The following DMD variants were observed in gnomAD, a reference collection of about 807,000 sequenced individuals.
DMD encodes dystrophin, also known as mutant dystrophin.
Under a neutral mutation model 330.1 loss-of-function variants are expected in DMD, and 63 were observed. The observed-to-expected ratio is 0.19, with a 90% confidence interval of 0.16 to 0.24. The LOEUF is 0.24. Ranked by LOEUF, DMD falls within the 10% of genes least tolerant of loss-of-function variation. DMD has a pLI of 1.00. For missense variants in DMD, 3,344 were observed against 2,684.1 expected, an observed-to-expected ratio of 1.25 and a Z score of -5.43; for synonymous variants, 1,223 against 959.8, an observed-to-expected ratio of 1.27 and a Z score of -5.07.
At chrX:32,774,964 C>A (rs1416621122) in intron 7 of DMD, among the ~76,000 whole-genome samples, 1 of 112,465 alleles carries the variant, frequency 8.9e-6, no homozygotes, top group Non-Finnish European at 1.9e-5. Flanking sequence ...AAGCTAGTTA[C>A]TTCCAAGGTA....
At chrX:31,706,557 T>C (rs974994811) in intron 52 of DMD, among the ~76,000 whole-genome samples, 10 of 63,207 alleles carry the variant, frequency 1.6e-4, no homozygotes, top group African/African-American at 8.1e-4. Flanking sequence ...TTTATCAACA[T>C]TTTTTTTTGG....
intron 43 of DMD, among the ~76,000 whole-genome samples, chrX:32,217,270 A>C (rs2147868143): frequency 9.0e-6 from 1 of 111,703 alleles, no homozygotes; most frequent in Non-Finnish European, 1.9e-5. Context: ...TACTCAATAT[A>C]AAAGCTGATT....
At chrX:32,514,522 A>T (rs866139478) in intron 18 of DMD, among the ~76,000 whole-genome samples, 21 of 111,977 alleles carry the variant, frequency 1.9e-4, no homozygotes, top group East Asian at 1.4e-3. Flanking sequence ...CGGGCGGATC[A>T]CGAGGTCAGG....
At chrX:31,917,037 G>T (rs1187194579) in intron 47 of DMD, among the ~76,000 whole-genome samples, 1 of 111,507 alleles carries the variant, frequency 9.0e-6, no homozygotes, top group Non-Finnish European at 1.9e-5. Flanking sequence ...GAATGGGATT[G>T]GTGGTCAACT....
chrX:32,814,655 A>G (rs998916031), intron 6 of DMD, among the ~76,000 whole-genome samples: 27 of 112,093 alleles, frequency 2.4e-4, no homozygotes, highest in African/African-American at 8.1e-4. Flanking sequence ...ATATGACAGG[A>G]GAGAGTATAT....
chrX:32,349,514 C>T (rs752213584), intron 37 of DMD, among the ~76,000 whole-genome samples: 20 of 111,332 alleles, frequency 1.8e-4, no homozygotes, highest in African/African-American at 5.5e-4. Context: ...TTTGCCAAGA[C>T]GATTACATTC....
intron 7 of DMD, among the ~76,000 whole-genome samples, chrX:32,737,653 T>C (rs2068695743): frequency 8.9e-6 from 1 of 112,014 alleles, no homozygotes; most frequent in African/African-American, 3.2e-5. Flanking sequence ...CACACACCAT[T>C]TTTCTTTTTG....
chrX:32,352,711 G>A (rs2097785964), intron 37 of DMD, among the ~76,000 whole-genome samples: 2 of 110,486 alleles, frequency 1.8e-5, no homozygotes, highest in African/African-American at 3.3e-5. Flanking sequence ...TTATTCTTAC[G>A]TCGGTCTTAT....
At chrX:32,983,528 TAC>T (rs561986393) in intron 2 of DMD, among the ~76,000 whole-genome samples, 5,569 of 73,357 alleles carry the variant, frequency 0.076, 176 homozygotes, top group Middle Eastern at 0.15. Context: ...CAGAACTAAA[TAC>T]ACACACACAC....
chrX:33,096,501 C>CTTTT lies in DMD; in HGVS notation c.32-76305_32-76302dup, dbSNP rs752228692. On this transcript the variant is annotated intron_variant, in intron 1 of 78. Transcript: ENST00000357033. ...AAGCCATGCTATATTTTGGAGACGA[C>CTTTT]TTTTTTTTTTTTTATTTTTTTGAGA... Among the ~76,000 whole-genome samples the CTTTT allele has an allele frequency of 7.5e-5, 7 of 93,725 alleles. 1 individual carries two copies. Among genetic ancestry groups the CTTTT allele is most frequent in the Non-Finnish European group, 1.5e-4 (7 of 46,183 alleles). The allele number at this position is 93,725 out of a possible 115,157, so 81.4% of individuals were successfully genotyped here.
chrX:31,121,913 G>GACTT lies in DMD; in HGVS notation c.*2_*5dup. On this transcript the variant is annotated 3_prime_UTR_variant, in exon 79 of 79. Transcript: ENST00000357033. ...CCCAAATCATCTGCCATGTGGAAAA[G>GACTT]ACTTCCTACATTGTGTCCTGGAAAA... 8.3e-7 allele frequency: 1 copy of GACTT among 1,203,596 alleles called. No individual in the cohort carries two copies. The highest frequency in any genetic ancestry group is 3.0e-5 in the East Asian group (1 of 33,805).
intron 18 of DMD, among the ~76,000 whole-genome samples, chrX:32,511,261 C>T (rs1348890462): frequency 2.7e-5 from 3 of 110,521 alleles, no homozygotes; most frequent in Admixed American, 9.6e-5. Flanking sequence ...CAGGGGCTCA[C>T]GCCTGTAATC....
chrX:32,717,250 G>T (rs1449570356), intron 7 of DMD, among the ~76,000 whole-genome samples: 1 of 111,399 alleles, frequency 9.0e-6, no homozygotes, highest in Non-Finnish European at 1.9e-5. Flanking sequence ...GGTCTAGGAA[G>T]GAAAAATGAT....
At chrX:31,581,516 A>G (rs1328206301) in intron 55 of DMD, among the ~76,000 whole-genome samples, 1 of 111,615 alleles carries the variant, frequency 9.0e-6, no homozygotes, top group Non-Finnish European at 1.9e-5. Flanking sequence ...ACAAACCTAG[A>G]TTCTTAATTA....
intron 67 of DMD, among the ~76,000 whole-genome samples, chrX:31,192,520 A>G (rs2042476054): frequency 8.9e-6 from 1 of 112,142 alleles, no homozygotes; most frequent in African/African-American, 3.2e-5. Flanking sequence ...TATAGCTCTG[A>G]TACAAGAGTT....
chrX:32,825,745 G>T (rs2078641724), intron 4 of DMD, among the ~76,000 whole-genome samples: 1 of 111,666 alleles, frequency 9.0e-6, no homozygotes, highest in Non-Finnish European at 1.9e-5. Flanking sequence ...GGAAACATAT[G>T]CTAAGTGAAA....
At chrX:33,112,236 G>T (rs2095344935) in intron 1 of DMD, among the ~76,000 whole-genome samples, 1 of 110,457 alleles carries the variant, frequency 9.1e-6, no homozygotes, top group African/African-American at 3.3e-5. Flanking sequence ...AATCTCTTAT[G>T]GTTCCTAATG....
At chrX:32,821,183 T>C (rs1734141093) in intron 5 of DMD, among the ~76,000 whole-genome samples, 1 of 111,511 alleles carries the variant, frequency 9.0e-6, no homozygotes, top group Admixed American at 9.6e-5. Context: ...GAATTTGGAA[T>C]AAAAATATAT....
chrX:31,861,666 G>GTATATATATA (rs1250542440), intron 48 of DMD, among the ~76,000 whole-genome samples: 1 of 78,711 alleles, frequency 1.3e-5, no homozygotes, highest in African/African-American at 4.9e-5. Flanking sequence ...GTGTGTGTGT[G>GTATATATATA]TATATATATA....
Sources: allele counts gnomAD v4.1 joint callset (sites outside exome capture counted in the v4.1 genomes callset), GRCh38; gene constraint gnomAD v4.1.1; transcripts MANE v1.5; gene names NCBI Gene and HGNC (gene_info 2026-07-23, HGNC 2026-07-21).